Variants in CIMIP4 observed in about 807,000 individuals in gnomAD.
The protein encoded by CIMIP4 is protein EAN57.
the CIMIP4 span, chr22:37,002,088 T>A: frequency 6.3e-7 from 1 of 1,594,404 alleles, no homozygotes; most frequent in Non-Finnish European, 8.5e-7. Flanking sequence ...GAATCCCTGC[T>A]GGCAGCAGTC....
At chr22:37,003,933 G>A in the CIMIP4 span, 2 of 1,539,686 alleles carry the variant, frequency 1.3e-6, no homozygotes, top group Non-Finnish European at 8.8e-7. Context: ...GCCTGGATGT[G>A]CATTCAGCAC....
chr22:36,992,630 G>A, the CIMIP4 span, among the ~76,000 whole-genome samples: 1 of 152,166 alleles, frequency 6.6e-6, no homozygotes, highest in Non-Finnish European at 1.5e-5. Context: ...TTGAGGCTGA[G>A]TGGTATATGC....
chr22:36,998,683 T>C, the CIMIP4 span, among the ~76,000 whole-genome samples: 1 of 152,070 alleles, frequency 6.6e-6, no homozygotes, highest in African/African-American at 2.4e-5. Flanking sequence ...AGGCAAATGA[T>C]CTGAAATCTG....
the CIMIP4 span, chr22:37,004,129 G>GC: frequency 9.4e-7 from 1 of 1,067,654 alleles, no homozygotes; most frequent in Non-Finnish European, 1.3e-6. Flanking sequence ...CTGTCTGCCC[G>GC]CCCCTGATCA....
the CIMIP4 span, among the ~76,000 whole-genome samples, chr22:37,001,281 C>T: frequency 1.3e-5 from 2 of 151,764 alleles, no homozygotes; most frequent in Non-Finnish European, 2.9e-5. Flanking sequence ...TCAGCCTGAT[C>T]TAGTGCAACT....
chr22:36,998,375 C>A, the CIMIP4 span, among the ~76,000 whole-genome samples: 1 of 152,018 alleles, frequency 6.6e-6, no homozygotes, highest in African/African-American at 2.4e-5. Context: ...GACAGGGATC[C>A]GAGCCAGGTG....
chr22:37,003,452 T>C, the CIMIP4 span, among the ~76,000 whole-genome samples: 1 of 152,104 alleles, frequency 6.6e-6, no homozygotes, highest in African/African-American at 2.4e-5. Flanking sequence ...TGCATCAAAA[T>C]CTTTCCTCTT....
the CIMIP4 span, among the ~76,000 whole-genome samples, chr22:37,007,191 C>T: frequency 2.0e-5 from 3 of 152,132 alleles, no homozygotes; most frequent in Admixed American, 1.3e-4. Flanking sequence ...TGTCTTAAGC[C>T]CACTAAGTTT....
At chr22:37,005,829 A>C in the CIMIP4 span, among the ~76,000 whole-genome samples, 1 of 152,204 alleles carries the variant, frequency 6.6e-6, no homozygotes, top group Non-Finnish European at 1.5e-5. Flanking sequence ...AGGGACTGTT[A>C]AACAAAAAGA....
At chr22:36,997,556 G>A in the CIMIP4 span, among the ~76,000 whole-genome samples, 1 of 152,164 alleles carries the variant, frequency 6.6e-6, no homozygotes, top group Non-Finnish European at 1.5e-5. Context: ...AATAGCGCAG[G>A]TGCACTAGCC....
chr22:37,002,426 C>G, the CIMIP4 span: 1 of 595,092 alleles, frequency 1.7e-6, no homozygotes, highest in Non-Finnish European at 2.6e-6. Flanking sequence ...CAAAGAGCCC[C>G]AGAGCTCCAC....
chr22:37,006,272 CA>C, the CIMIP4 span, among the ~76,000 whole-genome samples: 1 of 152,130 alleles, frequency 6.6e-6, no homozygotes, highest in African/African-American at 2.4e-5. Flanking sequence ...AAAGACAAGT[CA>C]GAGAGTGGAT....
chr22:37,002,084 C>G, the CIMIP4 span: 2 of 1,598,252 alleles, frequency 1.3e-6, no homozygotes, highest in Non-Finnish European at 1.7e-6. Flanking sequence ...CAGAGAATCC[C>G]TGCTGGCAGC....
At chr22:37,007,726 C>T in the CIMIP4 span, 1 of 152,298 alleles carries the variant, frequency 6.6e-6, no homozygotes, top group Admixed American at 6.5e-5. Flanking sequence ...GTCTCTGCCT[C>T]ACCTCTCCAA....
chr22:37,005,048 A>G, the CIMIP4 span, among the ~76,000 whole-genome samples: 1 of 152,114 alleles, frequency 6.6e-6, no homozygotes, highest in Non-Finnish European at 1.5e-5. Flanking sequence ...CATTCTGATG[A>G]CAGCAAATGC....
At chr22:37,003,972 C>T in the CIMIP4 span, 20 of 1,550,200 alleles carry the variant, frequency 1.3e-5, no homozygotes, top group Admixed American at 5.9e-5. Flanking sequence ...CTACCTGCTC[C>T]GTGGCCCAGC....
At chr22:36,997,767 C>T in the CIMIP4 span, among the ~76,000 whole-genome samples, 1 of 152,354 alleles carries the variant, frequency 6.6e-6, no homozygotes, top group Admixed American at 6.5e-5. Flanking sequence ...GAGTAAAGAC[C>T]TTCCAGCAGG....
At chr22:37,000,184 G>T in the CIMIP4 span, among the ~76,000 whole-genome samples, 1 of 152,156 alleles carries the variant, frequency 6.6e-6, no homozygotes, top group African/African-American at 2.4e-5. Context: ...CATCTGCACT[G>T]CTGTGGGTGG....
At chr22:37,002,268 T>C in the CIMIP4 span, 1 of 1,441,976 alleles carries the variant, frequency 6.9e-7, no homozygotes, top group Non-Finnish European at 9.1e-7. Flanking sequence ...TGGCCCTCCT[T>C]GTCATTCAGA....
Sources: gnomAD v4.1 joint callset for allele counts (sites outside exome capture counted in the v4.1 genomes callset) on GRCh38, gnomAD v4.1.1 for gene constraint, MANE v1.5 for transcripts, NCBI Gene and HGNC (gene_info 2026-07-23, HGNC 2026-07-21) for gene names.